Variants in OVCH1 observed in about 807,000 individuals in gnomAD.
OVCH1 encodes the protein ovochymase 1, also known as ovochymase-1.
OVCH1 carries 139 observed loss-of-function variants against 138.4 expected under a neutral mutation model. The ratio of observed to expected loss-of-function variants is 1.00; its 90% CI spans 0.87 to 1.16. The LOEUF is 1.16. Among genes scored for constraint, OVCH1 ranks in the 50% most tolerant of loss-of-function variants. OVCH1 has a pLI of 0.00. For synonymous variants in OVCH1, 453 were observed against 467.8 expected (o/e 0.97, Z 0.41); for missense variants, 1,367 against 1,357.9 (o/e 1.01, Z -0.11).
chr12:29,407,082 T>C, the OVCH1 span, among the ~76,000 whole-genome samples: 2 of 152,128 alleles, frequency 1.3e-5, no homozygotes, highest in Admixed American at 6.6e-5. Flanking sequence ...TTTCATGTGT[T>C]TTTTGGCTGC....
rs371003867 is a variant in OVCH1 at position 29,487,762 on chromosome 12, T to C, written c.823A>G (p.Lys275Glu). The change falls in exon 7 of 28, where the codon AAG becomes GAG. Residue 275 changes from lysine (K) to glutamate (E), a missense_variant. By Grantham distance (56) the Lys-to-Glu change is moderately conservative. Coordinates refer to ENST00000318184, the Ensembl canonical transcript of OVCH1. The stretch of plus-strand genomic sequence containing the variant: ...TTGGAGAAAATGCCAAGTGATGCCT[T>C]CACATGGTTGTTTCTTACGGGAACT... 3.7e-5 allele frequency: 59 copies of C among 1,606,910 alleles called. No homozygotes were observed. The African/African-American group carries it at 6.9e-4, about 19-fold the overall frequency.
chr12:29,422,511 T>A (rs1941119878), intron 3 of OVCH1, among the ~76,000 whole-genome samples: 1 of 152,088 alleles, frequency 6.6e-6, no homozygotes, highest in African/African-American at 2.4e-5. Flanking sequence ...ATTAATTAGG[T>A]TTTTAATTGA....
At chr12:29,433,385 G>A (rs551914095) in intron 27 of OVCH1, among the ~76,000 whole-genome samples, 54 of 152,202 alleles carry the variant, frequency 3.5e-4, no homozygotes, top group Admixed American at 2.1e-3. Flanking sequence ...CACATAAGAC[G>A]TGCCTTTACT....
At chr12:29,455,083 T>A (rs1293883543) in intron 20 of OVCH1, 150 bp from the exon 21 acceptor site, 3 of 1,111,416 alleles carry the variant, frequency 2.7e-6, no homozygotes, top group South Asian at 1.6e-5. Flanking sequence ...ACTCTACACA[T>A]GGGAGAACTT....
At chr12:29,449,779 G>A (rs141610977) in intron 22 of OVCH1, among the ~76,000 whole-genome samples, 1 of 152,168 alleles carries the variant, frequency 6.6e-6, no homozygotes, top group Non-Finnish European at 1.5e-5. Flanking sequence ...CAAGGCTACA[G>A]TAACCAAAAC....
intron 25 of OVCH1, chr12:29,440,535 T>C: frequency 6.9e-6 from 2 of 290,792 alleles, no homozygotes; most frequent in South Asian, 6.4e-5. Flanking sequence ...GCAAGCTTGG[T>C]TTCTTAGTAT....
chr12:29,455,269 C>T lies in OVCH1; in HGVS notation c.2417G>A (p.Trp806Ter). The change falls in exon 20 of 28, where the codon TGG becomes TAG. Residue 806 changes from tryptophan to a stop codon, truncating the protein, a stop_gained. Coordinates refer to ENST00000318184, the Ensembl canonical transcript of OVCH1. LOFTEE classifies it high-confidence loss of function. Reference sequence around the variant, plus strand: ...TTTACCATTGATTTTTGATTGGATCCAGTCCAAGAAGATCATCACTCTGGC... The same window carrying T: ...TTTACCATTGATTTTTGATTGGATCTAGTCCAAGAAGATCATCACTCTGGC... 2.5e-6 allele frequency: 4 copies of T among 1,612,218 alleles called. No homozygotes were observed. In the African/African-American group the frequency reaches 4.0e-5, roughly 16 times the overall value.
intron 3 of OVCH1, 49 bp downstream of exon 3, chr12:29,496,132 G>T (rs754385558): frequency 2.0e-6 from 3 of 1,484,022 alleles, no homozygotes; most frequent in East Asian, 2.4e-5. Context: ...TCTGCCAGTC[G>T]CATAGCCAGG....
chr12:29,464,281 T>G lies in OVCH1; in HGVS notation c.2125+226A>C, dbSNP rs934227538. 6 of 572,060 alleles carry G rather than the reference T, an allele frequency of 1.0e-5. No homozygotes were observed. The African/African-American group carries it at 1.1e-4, about 11-fold the overall frequency. 35.4% of individuals were successfully genotyped at this position (572,060 alleles called of 1,614,324 possible). ...TATCTGGCCCATTACAGTAAAGGTT[T>G]GTTGACTGCTCATCTAGCCTACTTA... On this transcript the variant is annotated intron_variant, in intron 18 of 27. Transcript: ENST00000318184.
chr12:29,451,210 C>T (rs1941784725), intron 22 of OVCH1, 135 bp downstream of exon 22: 2 of 502,726 alleles, frequency 4.0e-6, no homozygotes, highest in Middle Eastern at 5.2e-4. Flanking sequence ...AGTGTGTTTA[C>T]AAGGGAAAAA....
chr12:29,431,993 T>C (rs117995721), intron 27 of OVCH1, among the ~76,000 whole-genome samples: 1,905 of 152,326 alleles, frequency 0.013, 18 homozygotes, highest in Non-Finnish European at 0.021. Flanking sequence ...TGTCATTACC[T>C]TTATTCAAAT....
At chr12:29,465,958 G>A (rs1294469605) in intron 16 of OVCH1, among the ~76,000 whole-genome samples, 6 of 151,966 alleles carry the variant, frequency 3.9e-5, no homozygotes, top group Non-Finnish European at 8.8e-5. Flanking sequence ...GGACACGGAT[G>A]AAGCTGGAAA....
chr12:29,439,687 C>T (rs757751189), intron 25 of OVCH1, among the ~76,000 whole-genome samples, 166 bp downstream of exon 26: 1 of 152,056 alleles, frequency 6.6e-6, no homozygotes, highest in Non-Finnish European at 1.5e-5. Context: ...GTTAAGAGCT[C>T]GGTTTCACAA....
intron 22 of OVCH1, among the ~76,000 whole-genome samples, chr12:29,447,040 A>G (rs1391723307): frequency 6.6e-6 from 1 of 152,166 alleles, no homozygotes; most frequent in African/African-American, 2.4e-5. Context: ...GAATAAACTT[A>G]TAACAACATT....
chr12:29,455,468 T>C, intron 19 of OVCH1, 63 bp from the exon 20 acceptor site: 1 of 1,505,948 alleles, frequency 6.6e-7, no homozygotes, highest in Non-Finnish European at 8.9e-7. Flanking sequence ...GCTTTCAGTT[T>C]TTAGAACAAG....
chr12:29,447,232 G>T (rs1234340769), intron 22 of OVCH1, among the ~76,000 whole-genome samples: 1 of 152,050 alleles, frequency 6.6e-6, no homozygotes, highest in Non-Finnish European at 1.5e-5. Flanking sequence ...GAACTAGGAG[G>T]ATCTTTTGAG....
At chr12:29,418,685 G>A (rs11614744) in intron 3 of OVCH1, among the ~76,000 whole-genome samples, 5 of 152,040 alleles carry the variant, frequency 3.3e-5, no homozygotes, top group Admixed American at 3.3e-4. Context: ...TGAGTATAGA[G>A]AGGTTTCACT....
At chr12:29,496,473 A>G (rs776738918) in intron 2 of OVCH1, 83 bp downstream of exon 2, 10 of 1,311,066 alleles carry the variant, frequency 7.6e-6, no homozygotes, top group Non-Finnish European at 1.1e-5. Flanking sequence ...AAAACTACAT[A>G]TCAACGTGCA....
intron 3 of OVCH1, among the ~76,000 whole-genome samples, chr12:29,418,318 A>G (rs1941058842): frequency 6.6e-6 from 1 of 152,224 alleles, no homozygotes; most frequent in African/African-American, 2.4e-5. Context: ...TAGAAAATTG[A>G]ACATCTCATG....
Sources: allele counts gnomAD v4.1 joint callset (sites outside exome capture counted in the v4.1 genomes callset), GRCh38; gene constraint gnomAD v4.1.1; transcripts MANE v1.5; gene names NCBI Gene and HGNC (gene_info 2026-07-23, HGNC 2026-07-21).